The following ZNRF3 variants were observed in gnomAD, a reference collection of about 807,000 sequenced individuals.
ZNRF3 encodes E3 ubiquitin-protein ligase ZNRF3.
A neutral mutation model predicts 72.5 loss-of-function variants in ZNRF3; 23 were observed. The ratio of observed to expected loss-of-function variants is 0.32; its 90% CI spans 0.23 to 0.45. ZNRF3 has a LOEUF of 0.45. Among genes scored for constraint, ZNRF3 ranks in the 20% least tolerant of loss-of-function variants. The pLI is 1.00. For missense variants in ZNRF3, 1,169 were observed against 1,272.1 expected (o/e 0.92, Z 1.23); for synonymous variants, 610 against 545.3 (o/e 1.12, Z -1.65).
intron 2 of ZNRF3, among the ~76,000 whole-genome samples, chr22:29,021,643 A>G (rs1004819880): frequency 6.6e-6 from 1 of 151,862 alleles, no homozygotes; most frequent in Non-Finnish European, 1.5e-5. Flanking sequence ...ACGCGCCACC[A>G]TGCCCGGCTA....
chr22:28,997,948 G>A (rs2036071975), intron 2 of ZNRF3, among the ~76,000 whole-genome samples: 1 of 144,352 alleles, frequency 6.9e-6, no homozygotes. Context: ...AGGCTGTAGT[G>A]AGCTATAATC....
At chr22:28,895,033 A>G (rs889136950) in intron 1 of ZNRF3, among the ~76,000 whole-genome samples, 3 of 152,118 alleles carry the variant, frequency 2.0e-5, no homozygotes, top group South Asian at 2.1e-4. Flanking sequence ...AGTTCCATTT[A>G]CAGATGCCTG....
At chr22:28,907,327 C>A (rs747020280) in intron 1 of ZNRF3, among the ~76,000 whole-genome samples, 1 of 152,088 alleles carries the variant, frequency 6.6e-6, no homozygotes, top group Non-Finnish European at 1.5e-5. Flanking sequence ...TGCCAAGGTG[C>A]CAAATGGCAC....
At chr22:28,920,469 C>T (rs1000419276) in intron 1 of ZNRF3, among the ~76,000 whole-genome samples, 3 of 152,160 alleles carry the variant, frequency 2.0e-5, no homozygotes, top group African/African-American at 7.2e-5. Flanking sequence ...TGGGGTTTCA[C>T]CATGTTGGCC....
At chr22:29,020,045 A>T (rs1231116203) in intron 2 of ZNRF3, among the ~76,000 whole-genome samples, 1 of 151,896 alleles carries the variant, frequency 6.6e-6, no homozygotes, top group African/African-American at 2.4e-5. Flanking sequence ...AAAGCCACAG[A>T]TGCTCAAGTA....
Position 28,883,608 on chromosome 22 carries a change from G to A in ZNRF3, c.-159G>A. ...ACGTGGAGCAGATGAAAGGGCCGCG[G>A]CGCGACGGCCGGGGGAGCCGAGCTG... is the stretch of plus-strand genomic sequence containing the variant. On this transcript the variant is annotated 5_prime_UTR_variant, in exon 1 of 9. Coordinates refer to ENST00000544604, the MANE Select transcript of ZNRF3 (RefSeq NM_001206998.2). The surrounding 1 kb of genome is among the most constrained non-coding windows in gnomAD (Gnocchi z 5.5). 7.0e-6 allele frequency: 5 copies of A among 718,132 alleles called. No individual in the cohort carries two copies. Among genetic ancestry groups the A allele is most frequent in the Non-Finnish European group, 6.8e-6 (4 of 585,794 alleles). The allele number at this position is 718,132 out of a possible 1,614,324, so 44.5% of individuals were successfully genotyped here.
intron 1 of ZNRF3, among the ~76,000 whole-genome samples, chr22:28,935,827 C>T (rs1227157441): frequency 6.6e-6 from 1 of 152,162 alleles, no homozygotes; most frequent in African/African-American, 2.4e-5. Flanking sequence ...TTCAAAATGG[C>T]TCCCCTACCC....
At chr22:28,903,936 T>C (rs2034157356) in intron 1 of ZNRF3, among the ~76,000 whole-genome samples, 1 of 152,150 alleles carries the variant, frequency 6.6e-6, no homozygotes, top group African/African-American at 2.4e-5. Context: ...GTGTGGCCTG[T>C]GAGTGAGCTA....
chr22:28,973,793 G>A (rs1168368526), intron 1 of ZNRF3, among the ~76,000 whole-genome samples: 2 of 152,068 alleles, frequency 1.3e-5, no homozygotes, highest in Non-Finnish European at 2.9e-5. Context: ...TTAAAATCTT[G>A]ACTGGAGGGT....
intron 1 of ZNRF3, among the ~76,000 whole-genome samples, chr22:28,927,824 A>G (rs746701202): frequency 1.6e-4 from 25 of 152,148 alleles, no homozygotes; most frequent in African/African-American, 5.1e-4. Context: ...ATGTGTGTCT[A>G]TATGTGTGCA....
At chr22:28,979,666 C>G (rs2035731612) in intron 1 of ZNRF3, among the ~76,000 whole-genome samples, 1 of 152,194 alleles carries the variant, frequency 6.6e-6, no homozygotes, top group South Asian at 2.1e-4. Context: ...GAGCAGAGAC[C>G]CAAGTGGCTC....
intron 2 of ZNRF3, among the ~76,000 whole-genome samples, chr22:29,035,505 T>C (rs1217986815): frequency 1.3e-5 from 2 of 152,214 alleles, no homozygotes; most frequent in East Asian, 1.9e-4. Context: ...TATTGTTGAG[T>C]AAATTGTTGA....
rs149320302 is a variant in ZNRF3, at chr22:29,050,705, C to T, written c.2524C>T (p.Leu842=). The T allele has an allele frequency of 4.1e-4, 667 of 1,612,064 alleles. 1 individual carries two copies. The African/African-American group carries it at 7.2e-3, about 17-fold the overall frequency. Residue 842 remains leucine, a synonymous_variant, in exon 8 of 9, where the codon CTG becomes TTG. Transcript: ENST00000544604. ...AGAGGATGTGGACTGTGATCTGGGCCTGCCCTCGGACTGCCAAGGGACCCA... is the reference window on the plus strand; with the variant it reads ...AGAGGATGTGGACTGTGATCTGGGCTTGCCCTCGGACTGCCAAGGGACCCA... ...IPEDVDCDLG[L]PSDCQGTHSL... is the part of the protein sequence containing the mutation.
chr22:28,968,586 G>A (rs966586626), intron 1 of ZNRF3, among the ~76,000 whole-genome samples: 2 of 152,164 alleles, frequency 1.3e-5, no homozygotes, highest in Admixed American at 1.3e-4. Flanking sequence ...GCACACGCCT[G>A]TAATCCCAGC....
Position 29,001,059 on chromosome 22 carries a change from C to CTTTTT in ZNRF3, c.426+13881_426+13885dup, listed in dbSNP as rs773296494. Among the ~76,000 whole-genome samples, 11 of 77,954 alleles carry CTTTTT rather than the reference C, an allele frequency of 1.4e-4. 2 individuals are homozygous for CTTTTT. The highest frequency in any genetic ancestry group is 2.3e-4 in the Non-Finnish European group (9 of 38,932). The allele number at this position is 77,954 out of a possible 152,430, so 51.1% of individuals were successfully genotyped here. A position where few individuals can be genotyped will look rare whatever the true frequency, so the allele number is the denominator to read the frequency against. Reference sequence around the variant, plus strand: ...CTGCCTTGGCCTCCCAAAGCTTTGCCTTTTTTTTTTTTTTTTTTTTTTTTT... The same window carrying CTTTTT: ...CTGCCTTGGCCTCCCAAAGCTTTGCCTTTTTTTTTTTTTTTTTTTTTTTTTTTTTT... On this transcript the variant is annotated intron_variant, in intron 2 of 8. Coordinates refer to ENST00000544604, the MANE Select transcript of ZNRF3 (RefSeq NM_001206998.2).
intron 1 of ZNRF3, among the ~76,000 whole-genome samples, chr22:28,897,781 G>A (rs1257278197): frequency 6.6e-6 from 1 of 152,158 alleles, no homozygotes; most frequent in African/African-American, 2.4e-5. Flanking sequence ...TTCCACCAGT[G>A]TGTTCCTTTG....
At chr22:28,934,927 T>C (rs2123781532) in intron 1 of ZNRF3, among the ~76,000 whole-genome samples, 1 of 152,250 alleles carries the variant, frequency 6.6e-6, no homozygotes, top group East Asian at 1.9e-4. Flanking sequence ...TTTTTTTCTG[T>C]GCATTTCTCT....
chr22:29,038,650 T>C (rs1054697333), intron 2 of ZNRF3, among the ~76,000 whole-genome samples: 1 of 152,090 alleles, frequency 6.6e-6, no homozygotes, highest in African/African-American at 2.4e-5. Flanking sequence ...TTAATTTCCT[T>C]TCAGAACAGT....
intron 2 of ZNRF3, among the ~76,000 whole-genome samples, chr22:29,007,506 G>C (rs2036275285): frequency 1.3e-5 from 2 of 151,784 alleles, no homozygotes; most frequent in Non-Finnish European, 2.9e-5. Context: ...AGCTGGGCCT[G>C]GTGGCACCCA....
Sources: gnomAD v4.1 joint callset for allele counts (sites outside exome capture counted in the v4.1 genomes callset) on GRCh38, gnomAD v4.1.1 for gene constraint, Gnocchi (gnomAD v3.1) non-coding constraint, MANE v1.5 for transcripts, NCBI Gene and HGNC (gene_info 2026-07-23, HGNC 2026-07-21) for gene names.